The following ZBBX variants were observed in gnomAD, a reference collection of about 807,000 sequenced individuals.
ZBBX encodes zinc finger B-box domain containing.
Under a neutral mutation model 108.5 loss-of-function variants are expected in ZBBX, and 101 were observed. The observed-to-expected ratio is 0.93, with a 90% confidence interval of 0.79 to 1.10. The LOEUF is 1.10. Ranked by LOEUF, ZBBX falls within the 50% of genes least tolerant of loss-of-function variation. The probability of loss-of-function intolerance (pLI) is 0.00; values close to 1 mark genes in which losing one functional copy is unlikely to be tolerated. For missense variants in ZBBX, 1,009 were observed against 941.4 expected, an observed-to-expected ratio of 1.07 and a Z score of -0.94; for synonymous variants, 356 against 323.4, an observed-to-expected ratio of 1.10 and a Z score of -1.08.
At chr3:167,268,699 T>G (rs542470682) in intron 20 of ZBBX, among the ~76,000 whole-genome samples, 1 of 152,182 alleles carries the variant, frequency 6.6e-6, no homozygotes, top group Non-Finnish European at 1.5e-5. Context: ...GTTGGCCAGA[T>G]ATTTCAAAGA....
intron 5 of ZBBX, among the ~76,000 whole-genome samples, 155 bp from the exon 6 acceptor site, chr3:167,366,131 C>A (rs1028115404): frequency 6.6e-6 from 1 of 151,758 alleles, no homozygotes; most frequent in Non-Finnish European, 1.5e-5. Flanking sequence ...AATAATGTCA[C>A]AATATCCTCA....
the ZBBX span, among the ~76,000 whole-genome samples, chr3:167,209,340 A>T: frequency 2.6e-5 from 4 of 152,034 alleles, no homozygotes; most frequent in Non-Finnish European, 5.9e-5. Flanking sequence ...GCTGGTGGCC[A>T]CAGGGGTACT....
At chr3:167,204,703 C>G in the ZBBX span, among the ~76,000 whole-genome samples, 1 of 151,014 alleles carries the variant, frequency 6.6e-6, no homozygotes, top group African/African-American at 2.4e-5. Context: ...AATAAACATA[C>G]GTGTGCATGT....
the ZBBX span, among the ~76,000 whole-genome samples, chr3:167,234,424 G>A: frequency 6.6e-6 from 1 of 151,850 alleles, no homozygotes; most frequent in Non-Finnish European, 1.5e-5. Context: ...GATGTGGAAT[G>A]TGTTTTGAGA....
the ZBBX span, among the ~76,000 whole-genome samples, chr3:167,189,964 T>C: frequency 6.6e-6 from 1 of 152,202 alleles, no homozygotes; most frequent in African/African-American, 2.4e-5. Flanking sequence ...ACTAAACAGC[T>C]TTCTGTCAGG....
chr3:167,310,707 C>T (rs1378034820), intron 16 of ZBBX, among the ~76,000 whole-genome samples: 1 of 152,142 alleles, frequency 6.6e-6, no homozygotes, highest in Non-Finnish European at 1.5e-5. Context: ...CACCAGGTCC[C>T]TCCCTTGACA....
At chr3:167,235,799 C>T (rs1436377321), downstream of ZBBX, among the ~76,000 whole-genome samples, 1 of 147,576 alleles carries the variant, frequency 6.8e-6, no homozygotes, top group African/African-American at 2.4e-5. Flanking sequence ...TTCATCTATG[C>T]TGCCGGTTAT....
chr3:167,216,264 A>G, the ZBBX span, among the ~76,000 whole-genome samples: 4 of 152,152 alleles, frequency 2.6e-5, no homozygotes, highest in African/African-American at 9.7e-5. Context: ...CACCTGATAA[A>G]CAACTTCAGC....
chr3:167,232,977 A>T, the ZBBX span, among the ~76,000 whole-genome samples: 3 of 151,706 alleles, frequency 2.0e-5, no homozygotes, highest in African/African-American at 7.3e-5. Flanking sequence ...ATAAAATAAA[A>T]GCCTTTAATA....
chr3:167,297,293 A>C (rs1229635842), intron 18 of ZBBX, among the ~76,000 whole-genome samples: 1 of 151,984 alleles, frequency 6.6e-6, no homozygotes, highest in Non-Finnish European at 1.5e-5. Flanking sequence ...CAATGGGGGA[A>C]AGAAAGGTCT....
the ZBBX span, among the ~76,000 whole-genome samples, chr3:167,193,925 T>G: frequency 6.6e-6 from 1 of 151,982 alleles, no homozygotes; most frequent in African/African-American, 2.4e-5. Flanking sequence ...GCTAAAATGG[T>G]TGGTCTCATG....
chr3:167,291,572 G>A (rs575906147), intron 18 of ZBBX, among the ~76,000 whole-genome samples: 1 of 152,070 alleles, frequency 6.6e-6, no homozygotes, highest in African/African-American at 2.4e-5. Flanking sequence ...ATATGGAAAG[G>A]AACAAATGGT....
the ZBBX span, among the ~76,000 whole-genome samples, chr3:167,183,576 G>A: frequency 5.3e-5 from 8 of 152,218 alleles, no homozygotes; most frequent in African/African-American, 1.4e-4. Flanking sequence ...CATATTTATC[G>A]ACAGGAAGCC....
chr3:167,298,957 A>C (rs1045618646), intron 17 of ZBBX, among the ~76,000 whole-genome samples: 2 of 152,078 alleles, frequency 1.3e-5, no homozygotes, highest in African/African-American at 4.8e-5. Flanking sequence ...CTGTGGCAAG[A>C]GGAAGATAAG....
chr3:167,185,791 G>A, the ZBBX span, among the ~76,000 whole-genome samples: 1 of 151,928 alleles, frequency 6.6e-6, no homozygotes, highest in Non-Finnish European at 1.5e-5. Flanking sequence ...CTACAAGTAA[G>A]TATTTTTAAT....
chr3:167,243,008 AG>A (rs748224418), intron 20 of ZBBX, among the ~76,000 whole-genome samples: 1 of 152,170 alleles, frequency 6.6e-6, no homozygotes, highest in Non-Finnish European at 1.5e-5. Context: ...TTTTCTTATA[AG>A]AAATAAAAGC....
At chr3:167,224,966 A>T in the ZBBX span, among the ~76,000 whole-genome samples, 1 of 151,864 alleles carries the variant, frequency 6.6e-6, no homozygotes, top group Admixed American at 6.6e-5. Context: ...AATAGCTTCA[A>T]CAAAATGGCA....
chr3:167,293,634 A>G (rs1731107981), intron 18 of ZBBX, among the ~76,000 whole-genome samples: 1 of 152,218 alleles, frequency 6.6e-6, no homozygotes, highest in South Asian at 2.1e-4. Context: ...GAAAACCAGC[A>G]AAAGACAAGG....
Position 167,240,220 on chromosome 3 carries a change from T to TA in ZBBX, c.*572dup, listed in dbSNP as rs1332276149. The TA allele has an allele frequency of 2.0e-5, 3 of 152,298 alleles. No homozygotes were observed. Among genetic ancestry groups the TA allele is most frequent in the Non-Finnish European group, 2.9e-5 (2 of 68,294 alleles). 9.4% of individuals were successfully genotyped at this position (152,298 alleles called of 1,614,324 possible). On this transcript the variant is annotated 3_prime_UTR_variant, in exon 22 of 22. Coordinates refer to ENST00000675490, the MANE Select transcript of ZBBX (RefSeq NM_001199201.2). ...AAGCTAATCACTACATTGACCTTCTTAAAAAAAGATGCTTAGAGGTCTTTA... is the reference window on the plus strand; with the variant it reads ...AAGCTAATCACTACATTGACCTTCTTAAAAAAAAGATGCTTAGAGGTCTTTA...
Sources: gnomAD v4.1 joint callset for allele counts (sites outside exome capture counted in the v4.1 genomes callset) on GRCh38, gnomAD v4.1.1 for gene constraint, MANE v1.5 for transcripts, NCBI Gene and HGNC (gene_info 2026-07-23, HGNC 2026-07-21) for gene names.